HFE: variants seen among roughly 807,000 people sequenced by gnomAD.
HFE encodes the protein homeostatic iron regulator.
A neutral mutation model predicts 40.9 loss-of-function variants in HFE; 36 were observed. The ratio of observed to expected loss-of-function variants is 0.88; its 90% CI spans 0.67 to 1.16. HFE has a LOEUF of 1.16. Ranked by LOEUF, HFE falls within the 50% of genes most tolerant of loss-of-function variation. The pLI, the probability that HFE is intolerant of heterozygous loss-of-function variation, is 0.00. For missense variants in HFE, 376 were observed against 432.0 expected, an observed-to-expected ratio of 0.87 and a Z score of 1.15; for synonymous variants, 157 against 165.4, an observed-to-expected ratio of 0.95 and a Z score of 0.39.
Position 26,092,936 on chromosome 6 carries a change from GA to G in HFE, c.869del (p.Asp290ValfsTer6). 1 of 1,614,106 alleles carries G rather than the reference GA, an allele frequency of 6.2e-7. No individual in the cohort carries two copies. The highest frequency in any genetic ancestry group is 1.3e-5 in the African/African-American group (1 of 75,040). ...YTCQVEHPGL[D>X]QPLIVIWEPS... Reference sequence around the variant, plus strand: ...GTGCCAGGTGGAGCACCCAGGCCTGGATCAGCCCCTCATTGTGATCTGGGGT... The same window carrying G: ...GTGCCAGGTGGAGCACCCAGGCCTGGTCAGCCCCTCATTGTGATCTGGGGT... On this transcript the variant is annotated frameshift_variant, in exon 4 of 6. Coordinates refer to ENST00000357618, the MANE Select transcript of HFE (RefSeq NM_000410.4). LOFTEE classifies it high-confidence loss of function.
In HFE at chr6:26,090,961, G is replaced by A. The variant is rs771912764; in HGVS notation, c.197G>A (p.Arg66His). Residue 66 changes from arginine to histidine, a missense_variant, in exon 2 of 6, where the codon CGC (arginine) becomes CAC (histidine). Around this residue, in one of 3 missense-constraint regions of HFE, gnomAD observed 200 missense variants for 228.5 expected, o/e 0.88. Transcript: ENST00000357618. ...TTCGTGTTCTATGATCATGAGAGTC[G>A]CCGTGTGGAGCCCCGAACTCCATGG... is the stretch of plus-strand genomic sequence containing the variant. ...QLFVFYDHES[R>H]RVEPRTPWVS... 3.7e-6 allele frequency: 6 copies of A among 1,614,128 alleles called. No homozygotes were observed. Among genetic ancestry groups the A allele is most frequent in the South Asian group, 1.1e-5 (1 of 91,076 alleles).
intron 4 of HFE, 34 bp downstream of exon 4, chr6:26,092,994 A>T (rs748640604): frequency 6.2e-7 from 1 of 1,613,920 alleles, no homozygotes; most frequent in Non-Finnish European, 8.5e-7. Flanking sequence ...AGCTGAGAAA[A>T]TCTATTGGGG....
rs1263577435 is a variant in HFE, at chr6:26,097,880, T to G, written c.*3654T>G. ...ACATTTAAAAACAAAACACTGTCTC[T>G]AAAATCCCCAAATTTTTCATAAACT... On this transcript the variant is annotated 3_prime_UTR_variant, in exon 6 of 6. Coordinates refer to ENST00000357618, the MANE Select transcript of HFE (RefSeq NM_000410.4). 1 of 152,220 alleles carries G rather than the reference T, an allele frequency of 6.6e-6. No homozygotes were observed. The highest frequency in any genetic ancestry group is 2.4e-5 in the African/African-American group (1 of 41,458). 9.4% of individuals were successfully genotyped at this position (152,220 alleles called of 1,614,324 possible).
chr6:26,096,609 C>T lies in HFE; in HGVS notation c.*2383C>T. ...GCATTAAATTTTAGCAAAGATATCTCATCTCTTCTTTTAAACCATTTTCTT... is the reference window on the plus strand; with the variant it reads ...GCATTAAATTTTAGCAAAGATATCTTATCTCTTCTTTTAAACCATTTTCTT... On this transcript the variant is annotated 3_prime_UTR_variant, in exon 6 of 6. Transcript: ENST00000357618. 2.2e-6 allele frequency: 1 copy of T among 454,560 alleles called. No individual in the cohort carries two copies. The allele number at this position is 454,560 out of a possible 1,614,324, so 28.2% of individuals were successfully genotyped here.
chr6:26,092,628 T>C (rs759739492), intron 3 of HFE, 57 bp from the exon 4 acceptor site: 1 of 1,614,020 alleles, frequency 6.2e-7, no homozygotes, highest in South Asian at 1.1e-5. Context: ...AAAGTTCCAG[T>C]CTTCCTGGCA....
chr6:26,090,666 C>T (rs533402243), intron 1 of HFE, among the ~76,000 whole-genome samples, 175 bp from the exon 2 acceptor site: 3 of 152,102 alleles, frequency 2.0e-5, no homozygotes, highest in Admixed American at 6.5e-5. Context: ...GAGAAAAGCA[C>T]ACAAGGAAAG....
intron 1 of HFE, among the ~76,000 whole-genome samples, chr6:26,087,723 GC>G (rs1253893039): frequency 6.6e-6 from 1 of 152,176 alleles, no homozygotes; most frequent in East Asian, 1.9e-4. Flanking sequence ...CCCAGGACCT[GC>G]CCCCTCCCCC....
chr6:26,094,241 A>G lies in HFE; in HGVS notation c.*15A>G. 6.2e-7 allele frequency: 1 copy of G among 1,613,510 alleles called. No homozygotes were observed. The highest frequency in any genetic ancestry group is 8.5e-7 in the Non-Finnish European group (1 of 1,179,526). On this transcript the variant is annotated 3_prime_UTR_variant, in exon 6 of 6. Coordinates refer to ENST00000357618, the MANE Select transcript of HFE (RefSeq NM_000410.4). ...AACGTGAGTGACACGCAGCCTGCAG[A>G]CTCACTGTGGGAAGGAGACAAAACT...
At chr6:26,089,137 A>AGGGG (rs1325415029) in intron 1 of HFE, among the ~76,000 whole-genome samples, 2 of 62,622 alleles carry the variant, frequency 3.2e-5, no homozygotes, top group African/African-American at 1.2e-4. Context: ...GGGGGTGGGA[A>AGGGG]GGGGGACTAC....
intron 1 of HFE, among the ~76,000 whole-genome samples, chr6:26,088,039 G>T (rs1018239764): frequency 6.6e-6 from 1 of 152,198 alleles, no homozygotes; most frequent in Non-Finnish European, 1.5e-5. Context: ...TGGCGTTGGG[G>T]ATCTGAATTC....
intron 3 of HFE, 46 bp downstream of exon 3, chr6:26,091,635 G>A (rs1024960460): frequency 1.9e-6 from 3 of 1,598,566 alleles, no homozygotes; most frequent in Non-Finnish European, 2.6e-6. Context: ...GTGGCAGAGT[G>A]GAGGAGGTTG....
intron 3 of HFE, chr6:26,092,461 A>T: frequency 1.4e-6 from 1 of 712,124 alleles, no homozygotes; most frequent in South Asian, 1.6e-5. Context: ...TGGGTAACAG[A>T]TATGTATATT....
rs1366935452 is a variant in HFE, at chr6:26,096,935, T to TAA, written c.*2710_*2711insAA. On this transcript the variant is annotated 3_prime_UTR_variant, in exon 6 of 6. Coordinates refer to ENST00000357618, the MANE Select transcript of HFE (RefSeq NM_000410.4). ...CTTCTAATTTCTTTACATTTTGTCT[T>TAA]ACGGAATATTTTCATTCAACTGTGG... The TAA allele has an allele frequency of 4.6e-6, 1 of 216,454 alleles. No homozygotes were observed. The highest frequency in any genetic ancestry group is 9.3e-6 in the Non-Finnish European group (1 of 106,974). The allele number at this position is 216,454 out of a possible 1,614,324, so 13.4% of individuals were successfully genotyped here. A position where few individuals can be genotyped will look rare whatever the true frequency, so the allele number is the denominator to read the frequency against.
At position 26,092,788 on chromosome 6, in the gene HFE, G is replaced by C. The variant is rs1309004246; in HGVS notation, c.720G>C (p.Leu240=). Residue 240 remains leucine (L), a synonymous_variant, in exon 4 of 6, where the codon CTG becomes CTC. Coordinates refer to ENST00000357618, the MANE Select transcript of HFE (RefSeq NM_000410.4). ...CCCAGAACATCACCATGAAGTGGCT[G>C]AAGGATAAGCAGCCAATGGATGCCA... ...YYPQNITMKW[L]KDKQPMDAKE... The C allele has an allele frequency of 6.2e-7, 1 of 1,614,214 alleles. No individual in the cohort carries two copies. Among genetic ancestry groups the C allele is most frequent in the Admixed American group, 1.7e-5 (1 of 60,022 alleles).
chr6:26,094,137 T>C (rs1202402369), intron 5 of HFE, 49 bp from the exon 6 acceptor site: 1 of 1,576,804 alleles, frequency 6.3e-7, no homozygotes, highest in African/African-American at 1.3e-5. Context: ...AGAGGCAAGA[T>C]GGTGCCTAGG....
chr6:26,091,095 C>G lies in HFE; in HGVS notation c.331C>G (p.His111Asp). ...DFWTIMENHNHSKESHTLQVI... is the reference protein window; with the variant it reads ...DFWTIMENHNDSKESHTLQVI... ...CTGGACTATTATGGAAAATCACAACCACAGCAAGGGTATGTGGAGAGGGGG... is the reference window on the plus strand; with the variant it reads ...CTGGACTATTATGGAAAATCACAACGACAGCAAGGGTATGTGGAGAGGGGG... The change falls in exon 2 of 6, where the codon CAC becomes GAC. Residue 111 changes from histidine to aspartate, a missense_variant. Transcript: ENST00000357618. 6.2e-7 allele frequency: 1 copy of G among 1,614,142 alleles called. No homozygotes were observed. The highest frequency in any genetic ancestry group is 1.3e-5 in the African/African-American group (1 of 75,032).
intron 3 of HFE, 191 bp from the exon 4 acceptor site, chr6:26,092,494 A>T (rs1374529757): frequency 2.3e-6 from 2 of 863,140 alleles, no homozygotes; most frequent in Non-Finnish European, 3.8e-6. Flanking sequence ...GAACAAGCTG[A>T]TCTGACTGCT....
chr6:26,088,001 T>C (rs1253375552), intron 1 of HFE, among the ~76,000 whole-genome samples: 1 of 152,166 alleles, frequency 6.6e-6, no homozygotes, highest in Non-Finnish European at 1.5e-5. Flanking sequence ...TCAGAACGAA[T>C]GCGTTGGGCG....
In HFE at chr6:26,096,612, C is replaced by G. The variant is rs62626261; in HGVS notation, c.*2386C>G. 1,681 of 454,262 alleles carry G rather than the reference C, an allele frequency of 3.7e-3. 39 individuals carry two copies. Among genetic ancestry groups the G allele is most frequent in the East Asian group, 0.032 (458 of 14,384 alleles). The allele number at this position is 454,262 out of a possible 1,614,324, so 28.1% of individuals were successfully genotyped here. The stretch of plus-strand genomic sequence containing the variant: ...TTAAATTTTAGCAAAGATATCTCAT[C>G]TCTTCTTTTAAACCATTTTCTTTTT... On this transcript the variant is annotated 3_prime_UTR_variant, in exon 6 of 6. Transcript: ENST00000357618.
Sources: gnomAD v4.1 joint callset for allele counts (sites outside exome capture counted in the v4.1 genomes callset) on GRCh38, gnomAD v4.1.1 for gene constraint, gnomAD v4.1.1 regional missense constraint, MANE v1.5 for transcripts, NCBI Gene and HGNC (gene_info 2026-07-23, HGNC 2026-07-21) for gene names.